NCKAP5: variants seen among roughly 807,000 people sequenced by gnomAD.
NCKAP5 encodes nck-associated protein 5.
NCKAP5 carries 92 observed loss-of-function variants against 167.0 expected under a neutral mutation model. That is an observed-to-expected ratio of 0.55 (90% confidence interval 0.47 to 0.66). NCKAP5 has a LOEUF of 0.66. Among genes scored for constraint, NCKAP5 ranks in the 30% least tolerant of loss-of-function variants. The probability of loss-of-function intolerance (pLI) is 0.00; values close to 1 mark genes in which losing one functional copy is unlikely to be tolerated. For synonymous variants in NCKAP5, 891 were observed against 877.4 expected, an observed-to-expected ratio of 1.02 and a Z score of -0.27; for missense variants, 2,378 against 2,315.0, an observed-to-expected ratio of 1.03 and a Z score of -0.56.
intron 16 of NCKAP5, among the ~76,000 whole-genome samples, chr2:132,759,040 T>C (rs1680786326): frequency 1.3e-5 from 2 of 152,198 alleles, no homozygotes; most frequent in Admixed American, 6.5e-5. Flanking sequence ...AATTTGCTGT[T>C]TGTTCCTTCT....
At chr2:132,767,943 G>T (rs1321428125) in intron 16 of NCKAP5, among the ~76,000 whole-genome samples, 1 of 152,200 alleles carries the variant, frequency 6.6e-6, no homozygotes, top group East Asian at 1.9e-4. Context: ...TCCAAGGAAA[G>T]TTAGAGCATC....
At chr2:133,256,554 A>G (rs1351463428) in intron 4 of NCKAP5, among the ~76,000 whole-genome samples, 1 of 152,256 alleles carries the variant, frequency 6.6e-6, no homozygotes, top group African/African-American at 2.4e-5. Context: ...AAGCAAGGTC[A>G]ATATTCTCAC....
At chr2:132,842,893 G>T (rs1688394350) in intron 11 of NCKAP5, among the ~76,000 whole-genome samples, 1 of 152,074 alleles carries the variant, frequency 6.6e-6, no homozygotes, top group South Asian at 2.1e-4. Flanking sequence ...GTGTCCCACA[G>T]GTTTTGATAT....
At chr2:132,933,722 G>A (rs952570104) in intron 8 of NCKAP5, among the ~76,000 whole-genome samples, 68 of 152,100 alleles carry the variant, frequency 4.5e-4, no homozygotes, top group African/African-American at 1.6e-3. Flanking sequence ...ATAATTTAAA[G>A]ACAGAAAAAT....
At chr2:133,315,184 G>A (rs1423809343) in intron 3 of NCKAP5, among the ~76,000 whole-genome samples, 2 of 152,140 alleles carry the variant, frequency 1.3e-5, no homozygotes, top group Non-Finnish European at 2.9e-5. Flanking sequence ...GAAGGAATAG[G>A]GGGCAGGGGC....
intron 3 of NCKAP5, among the ~76,000 whole-genome samples, chr2:133,409,541 G>C (rs1559461980): frequency 6.6e-6 from 1 of 152,214 alleles, no homozygotes; most frequent in Non-Finnish European, 1.5e-5. Context: ...TCTCTAGCAT[G>C]TAGACAGCAG....
At chr2:133,490,643 G>T (rs1407916431) in intron 3 of NCKAP5, among the ~76,000 whole-genome samples, 3 of 152,176 alleles carry the variant, frequency 2.0e-5, no homozygotes, top group Admixed American at 6.5e-5. Flanking sequence ...CAAGCTGAGG[G>T]ATGAGGATGT....
Position 133,393,535 on chromosome 2 carries a change from G to A in NCKAP5, c.70-90425C>T, listed in dbSNP as rs184739278. ...GTTTCAACTCTATAAAATTCAACTG[G>A]AATATCCAGGGAACTATTGCTGTTT... On this transcript the variant is annotated intron_variant, in intron 3 of 19. Transcript: ENST00000409261. Among the ~76,000 whole-genome samples the A allele has an allele frequency of 1.8e-3, 271 of 152,252 alleles. 1 individual carries two copies. The highest frequency in any genetic ancestry group is 6.3e-3 in the African/African-American group (262 of 41,544).
At chr2:132,976,669 G>A (rs1247946396) in intron 7 of NCKAP5, among the ~76,000 whole-genome samples, 2 of 151,656 alleles carry the variant, frequency 1.3e-5, no homozygotes, top group East Asian at 1.9e-4. Context: ...CACAAGAAAT[G>A]ATAAGTATGT....
chr2:133,342,524 G>C (rs1683666577), intron 3 of NCKAP5, among the ~76,000 whole-genome samples: 1 of 152,092 alleles, frequency 6.6e-6, no homozygotes, highest in Non-Finnish European at 1.5e-5. Context: ...AGAGAGGCCT[G>C]GGCAGTTTGC....
chr2:133,355,582 G>A (rs921252092), intron 3 of NCKAP5, among the ~76,000 whole-genome samples: 4 of 151,986 alleles, frequency 2.6e-5, no homozygotes. Flanking sequence ...ACGGTATTGT[G>A]ATTACTTATT....
chr2:133,498,831 G>C (rs1306032952), intron 3 of NCKAP5, among the ~76,000 whole-genome samples: 1 of 152,120 alleles, frequency 6.6e-6, no homozygotes, highest in Non-Finnish European at 1.5e-5. Flanking sequence ...TCCAAGAAGT[G>C]ATCAACTCAC....
intron 6 of NCKAP5, among the ~76,000 whole-genome samples, chr2:133,013,771 T>TG (rs1553509709): frequency 2.0e-5 from 3 of 152,144 alleles, no homozygotes; most frequent in African/African-American, 7.2e-5. Flanking sequence ...AACCCTTTTT[T>TG]TGTGTGTGTG....
chr2:133,187,053 A>C (rs1408468928), intron 5 of NCKAP5, among the ~76,000 whole-genome samples: 1 of 151,844 alleles, frequency 6.6e-6, no homozygotes, highest in African/African-American at 2.4e-5. Flanking sequence ...CAGATTGTTA[A>C]TTTGAGATTT....
At chr2:132,863,536 A>G (rs947673428) in intron 10 of NCKAP5, among the ~76,000 whole-genome samples, 1 of 152,154 alleles carries the variant, frequency 6.6e-6, no homozygotes, top group Non-Finnish European at 1.5e-5. Flanking sequence ...CCAAATTTCA[A>G]AGGCCATTAG....
chr2:133,400,059 T>C (rs1239233342), intron 3 of NCKAP5, among the ~76,000 whole-genome samples: 3 of 152,200 alleles, frequency 2.0e-5, no homozygotes, highest in Non-Finnish European at 4.4e-5. Context: ...TTCTTAAATA[T>C]ATAAAAATTA....
rs1044843684 is a variant in NCKAP5, at chr2:133,303,253, C to T, written c.70-143G>A. 4 of 622,268 alleles carry T rather than the reference C, an allele frequency of 6.4e-6. No individual in the cohort carries two copies. In the Admixed American group the frequency reaches 1.0e-4, roughly 16 times the overall value. 38.5% of individuals were successfully genotyped at this position (622,268 alleles called of 1,614,324 possible). ...GTTCTAGGATTCTCTGCTTCTATGA[C>T]TTGCAATCATATGTAAATACTATTT... On this transcript the variant is annotated intron_variant, in intron 3 of 19. Transcript: ENST00000409261.
intron 6 of NCKAP5, among the ~76,000 whole-genome samples, chr2:133,051,842 G>A (rs2149487306): frequency 6.6e-6 from 1 of 152,292 alleles, no homozygotes; most frequent in South Asian, 2.1e-4. Context: ...ATGCTTCATA[G>A]ATGAAAATGG....
intron 3 of NCKAP5, among the ~76,000 whole-genome samples, chr2:133,471,056 G>GTAC (rs1190166503): frequency 6.6e-6 from 1 of 152,172 alleles, no homozygotes; most frequent in African/African-American, 2.4e-5. Flanking sequence ...TTGCTTTTAT[G>GTAC]TACTGATCAT....
Sources: allele counts gnomAD v4.1 joint callset (sites outside exome capture counted in the v4.1 genomes callset), GRCh38; gene constraint gnomAD v4.1.1; transcripts MANE v1.5; gene names NCBI Gene and HGNC (gene_info 2026-07-23, HGNC 2026-07-21).